Variants in RNLS observed in about 807,000 individuals in gnomAD.
The protein encoded by RNLS is renalase, FAD dependent amine oxidase.
A neutral mutation model predicts 39.8 loss-of-function variants in RNLS; 39 were observed. The observed-to-expected ratio is 0.98, with a 90% CI of 0.76 to 1.28. RNLS has a LOEUF of 1.28. Among genes scored for constraint, RNLS ranks in the 50% most tolerant of loss-of-function variants. The pLI, the probability that RNLS is intolerant of heterozygous loss-of-function variation, is 0.00. For missense variants in RNLS, 410 were observed against 413.3 expected, an observed-to-expected ratio of 0.99 and a Z score of 0.07; for synonymous variants, 147 against 150.7, an observed-to-expected ratio of 0.98 and a Z score of 0.18.
At chr10:88,510,039 T>C (rs977433470) in intron 4 of RNLS, among the ~76,000 whole-genome samples, 1 of 152,160 alleles carries the variant, frequency 6.6e-6, no homozygotes, top group African/African-American at 2.4e-5. Context: ...TTGGAGTACA[T>C]ATGCCTACTG....
intron 4 of RNLS, among the ~76,000 whole-genome samples, chr10:88,423,420 T>A (rs1419732920): frequency 6.6e-6 from 1 of 152,214 alleles, no homozygotes; most frequent in African/African-American, 2.4e-5. Flanking sequence ...GAAACTAATT[T>A]CATGGAAGTG....
chr10:88,244,923 A>C, the RNLS span, among the ~76,000 whole-genome samples: 98 of 152,328 alleles, frequency 6.4e-4, no homozygotes, highest in African/African-American at 2.2e-3. Context: ...GGTGCCATCC[A>C]AAGTACAGGA....
chr10:88,327,203 G>T (rs1846685957), intron 5 of RNLS, among the ~76,000 whole-genome samples: 1 of 152,174 alleles, frequency 6.6e-6, no homozygotes, highest in South Asian at 2.1e-4. Flanking sequence ...GGAAAGGCAT[G>T]ATTGTGTTTT....
intron 4 of RNLS, among the ~76,000 whole-genome samples, chr10:88,546,002 G>A (rs1443386090): frequency 1.3e-5 from 2 of 151,884 alleles, no homozygotes; most frequent in East Asian, 3.8e-4. Context: ...TTATGTGAAG[G>A]GCCATGTGAA....
At chr10:88,482,889 C>T (rs1048606831) in intron 4 of RNLS, among the ~76,000 whole-genome samples, 1 of 151,934 alleles carries the variant, frequency 6.6e-6, no homozygotes, top group African/African-American at 2.4e-5. Flanking sequence ...GGGGTGTAGC[C>T]GCTGATATCC....
chr10:88,408,920 A>G (rs1853472794), intron 4 of RNLS, among the ~76,000 whole-genome samples: 1 of 152,154 alleles, frequency 6.6e-6, no homozygotes, highest in Non-Finnish European at 1.5e-5. Flanking sequence ...TTTAATTAGG[A>G]AAATGTTTTT....
intron 5 of RNLS, among the ~76,000 whole-genome samples, chr10:88,325,186 G>A (rs1041460729): frequency 9.2e-5 from 14 of 152,110 alleles, no homozygotes; most frequent in Non-Finnish European, 1.5e-4. Context: ...TGGATCATAT[G>A]GGAAATCTAT....
intron 5 of RNLS, among the ~76,000 whole-genome samples, chr10:88,327,074 C>G (rs1334215002): frequency 6.6e-6 from 1 of 152,092 alleles, no homozygotes; most frequent in Non-Finnish European, 1.5e-5. Context: ...AGTAACTAAC[C>G]TGCTTTTAAT....
chr10:88,550,044 C>T (rs1026208021), intron 4 of RNLS, among the ~76,000 whole-genome samples: 1 of 152,158 alleles, frequency 6.6e-6, no homozygotes, highest in Admixed American at 6.5e-5. Flanking sequence ...GGGGTTGTTG[C>T]TATGTTTTCT....
At position 88,469,234 on chromosome 10, in the gene RNLS, G is replaced by A. The variant is rs145028751; in HGVS notation, c.526+103669C>T. Reference sequence around the variant, plus strand: ...AAATAATGTGATTCATGTCATTCTGGTCATCACAAAGTTCAGTGCCCTGGC... The same window carrying A: ...AAATAATGTGATTCATGTCATTCTGATCATCACAAAGTTCAGTGCCCTGGC... On this transcript the variant is annotated intron_variant, in intron 4 of 6. Coordinates refer to ENST00000331772, the MANE Select transcript of RNLS (RefSeq NM_001031709.3). Among the ~76,000 whole-genome samples the A allele has an allele frequency of 3.8e-3, 584 of 152,180 alleles. 3 individuals carry two copies. The highest frequency in any genetic ancestry group is 0.013 in the African/African-American group (556 of 41,530).
intron 4 of RNLS, among the ~76,000 whole-genome samples, chr10:88,548,210 C>T (rs1164421370): frequency 1.0e-4 from 12 of 119,516 alleles, no homozygotes; most frequent in South Asian, 8.5e-4. Context: ...TGCAGTGAGC[C>T]GAGATCACGC....
chr10:88,432,487 G>T (rs1855192497), intron 4 of RNLS, among the ~76,000 whole-genome samples: 1 of 151,678 alleles, frequency 6.6e-6, no homozygotes. Flanking sequence ...TTAGGTTTAG[G>T]TCTATCACTA....
At chr10:88,252,158 A>T in the RNLS span, among the ~76,000 whole-genome samples, 2 of 152,068 alleles carry the variant, frequency 1.3e-5, no homozygotes, top group East Asian at 3.9e-4. Context: ...ACTCCACCCC[A>T]GGACGCTTTT....
At chr10:88,434,286 G>A (rs1855320539) in intron 4 of RNLS, among the ~76,000 whole-genome samples, 1 of 152,160 alleles carries the variant, frequency 6.6e-6, no homozygotes, top group Non-Finnish European at 1.5e-5. Context: ...AACAGTGTAA[G>A]GGTGTGTGTG....
chr10:88,543,596 A>G (rs1036439299), intron 4 of RNLS, among the ~76,000 whole-genome samples: 1 of 152,188 alleles, frequency 6.6e-6, no homozygotes, highest in African/African-American at 2.4e-5. Flanking sequence ...GAGCAAACCT[A>G]AAATACACAA....
At position 88,486,493 on chromosome 10, in the gene RNLS, C is replaced by T. The variant is rs568895093; in HGVS notation, c.526+86410G>A. On this transcript the variant is annotated intron_variant, in intron 4 of 6. Coordinates refer to ENST00000331772, the MANE Select transcript of RNLS (RefSeq NM_001031709.3). ...CCGACAAAGGCCTAATATCAAGCAT[C>T]TGTAAGGAACTTAAACAAATTTACA... Among the ~76,000 whole-genome samples, 4 of 151,844 alleles carry T rather than the reference C, an allele frequency of 2.6e-5. No homozygotes were observed. In the South Asian group the frequency reaches 8.3e-4, roughly 32 times the overall value.
intron 5 of RNLS, among the ~76,000 whole-genome samples, chr10:88,345,775 T>C (rs1169759400): frequency 6.6e-6 from 1 of 152,150 alleles, no homozygotes; most frequent in Non-Finnish European, 1.5e-5. Flanking sequence ...AGATTAATCA[T>C]GATCACAGAG....
At chr10:88,493,460 A>T (rs1373289080) in intron 4 of RNLS, among the ~76,000 whole-genome samples, 1 of 152,108 alleles carries the variant, frequency 6.6e-6, no homozygotes, top group Non-Finnish European at 1.5e-5. Flanking sequence ...TAGCTACAAT[A>T]TGACATCAAT....
At chr10:88,436,711 C>T (rs1187026346) in intron 4 of RNLS, among the ~76,000 whole-genome samples, 1 of 151,924 alleles carries the variant, frequency 6.6e-6, no homozygotes, top group African/African-American at 2.4e-5. Context: ...GGTCTTTGTC[C>T]CTCAGAATTC....
Sources: allele counts gnomAD v4.1 joint callset (sites outside exome capture counted in the v4.1 genomes callset), GRCh38; gene constraint gnomAD v4.1.1; transcripts MANE v1.5; gene names NCBI Gene and HGNC (gene_info 2026-07-23, HGNC 2026-07-21).